Variants in DNAH2 observed in about 807,000 individuals in gnomAD.
DNAH2 encodes dynein axonemal heavy chain 2.
In DNAH2, 323 loss-of-function variants were observed where a neutral mutation model predicts 523.5. That is an observed-to-expected ratio of 0.62 (90% CI 0.56 to 0.68). The LOEUF (loss-of-function observed/expected upper bound fraction) is 0.68, where lower values mean the gene tolerates loss of function less well. Ranked by LOEUF, DNAH2 falls within the 30% of genes least tolerant of loss-of-function variation. The pLI, the probability that DNAH2 is intolerant of heterozygous loss-of-function variation, is 0.00. For synonymous variants in DNAH2, 2,093 were observed against 2,177.4 expected (o/e 0.96, Z 1.08); for missense variants, 4,907 against 5,701.5 (o/e 0.86, Z 4.49).
chr17:7,751,256 C>T (rs1372109937), intron 12 of DNAH2, among the ~76,000 whole-genome samples: 3 of 151,766 alleles, frequency 2.0e-5, no homozygotes, highest in Admixed American at 2.0e-4. Context: ...CGATTTCTGG[C>T]TAATTTTTGG....
Position 7,736,513 on chromosome 17 carries a change from C to A in DNAH2, c.979-554C>A, listed in dbSNP as rs531126861. On this transcript the variant is annotated intron_variant, in intron 7 of 85. Coordinates refer to ENST00000572933, the MANE Select transcript of DNAH2 (RefSeq NM_020877.5). ...CACAAAATCTAGAAAAATCTAGACTCGAGGGAATTCTTAGTCTGGTAGGGG... is the reference window on the plus strand; with the variant it reads ...CACAAAATCTAGAAAAATCTAGACTAGAGGGAATTCTTAGTCTGGTAGGGG... 2.0e-5 allele frequency among the ~76,000 whole-genome samples: 3 copies of A among 152,254 alleles called. No homozygotes were observed. In the South Asian group the frequency reaches 6.2e-4, roughly 32 times the overall value.
chr17:7,749,209 G>A (rs991514052), intron 12 of DNAH2, among the ~76,000 whole-genome samples: 5 of 148,522 alleles, frequency 3.4e-5, no homozygotes, highest in South Asian at 4.3e-4. Context: ...TCAGGAGGCC[G>A]AGGCAAGAGA....
At position 7,764,376 on chromosome 17, in the gene DNAH2, A is replaced by C. The variant is rs1240458764; in HGVS notation, c.3336+103A>C. On this transcript the variant is annotated intron_variant, in intron 20 of 85. Coordinates refer to ENST00000572933, the MANE Select transcript of DNAH2 (RefSeq NM_020877.5). Reference sequence around the variant, plus strand: ...GGGAGAGTAGAGAAGTGACAGCAGGAGGAGACTCTAGATTTGAAAGCCAAA... The same window carrying C: ...GGGAGAGTAGAGAAGTGACAGCAGGCGGAGACTCTAGATTTGAAAGCCAAA... 14 of 1,407,876 alleles carry C rather than the reference A, an allele frequency of 9.9e-6. No homozygotes were observed. The Admixed American group carries it at 3.0e-4, about 30-fold the overall frequency. 87.2% of individuals were successfully genotyped at this position (1,407,876 alleles called of 1,614,324 possible).
chr17:7,737,781 G>A (rs2075184038), intron 8 of DNAH2, among the ~76,000 whole-genome samples: 1 of 152,174 alleles, frequency 6.6e-6, no homozygotes. Flanking sequence ...CCTAGGACAA[G>A]GAGTGGGCAT....
chr17:7,829,264 G>A (rs573200613), intron 77 of DNAH2, among the ~76,000 whole-genome samples: 47 of 152,102 alleles, frequency 3.1e-4, no homozygotes, highest in Non-Finnish European at 4.3e-4. Context: ...TGCCCACCTC[G>A]GCCTCCCAAA....
At position 7,780,544 on chromosome 17, in the gene DNAH2, T is replaced by G. The variant is rs1396900326; in HGVS notation, c.5851-86T>G. Reference sequence around the variant, plus strand: ...CCTAGCTGCTTCATGTCCTGGGACCTGGCTTCTTGTCTCTGACTGTCCTGA... The same window carrying G: ...CCTAGCTGCTTCATGTCCTGGGACCGGGCTTCTTGTCTCTGACTGTCCTGA... On this transcript the variant is annotated intron_variant, in intron 37 of 85. Coordinates refer to ENST00000572933, the MANE Select transcript of DNAH2 (RefSeq NM_020877.5). This position sits in a 1 kb window ranked among gnomAD's most constrained non-coding sequence, Gnocchi z 4.4. 3 of 1,569,528 alleles carry G rather than the reference T, an allele frequency of 1.9e-6. No homozygotes were observed. Among genetic ancestry groups the G allele is most frequent in the African/African-American group, 1.3e-5 (1 of 74,080 alleles).
At chr17:7,757,628 A>G (rs2075881914) in intron 13 of DNAH2, among the ~76,000 whole-genome samples, 1 of 152,164 alleles carries the variant, frequency 6.6e-6, no homozygotes, top group Non-Finnish European at 1.5e-5. Context: ...CTGCCTTGGT[A>G]TTCTCTCTGG....
At position 7,734,580 on chromosome 17, in the gene DNAH2, C is replaced by T. The variant is rs1247906703; in HGVS notation, c.850C>T (p.Arg284Ter). ...GGAGGAGATTGAGTTCTGGCGCAAC[C>T]GATGCATGGACCTGTCTGGCATCAG... Reference protein sequence around the residue: ...PLEEIEFWRNRCMDLSGISKQ... With the variant: ...PLEEIEFWRN Residue 284 changes from arginine (R) to a stop codon, truncating the protein, a stop_gained, in exon 7 of 86, where the codon CGA becomes TGA. Coordinates refer to ENST00000572933, the MANE Select transcript of DNAH2 (RefSeq NM_020877.5). LOFTEE classifies it high-confidence loss of function. 8.1e-6 allele frequency: 13 copies of T among 1,613,366 alleles called. No homozygotes were observed. The highest frequency in any genetic ancestry group is 4.2e-6 in the Non-Finnish European group (5 of 1,179,962).
chr17:7,810,121 T>C (rs1477282258), intron 63 of DNAH2, among the ~76,000 whole-genome samples: 1 of 150,878 alleles, frequency 6.6e-6, no homozygotes, highest in African/African-American at 2.4e-5. Flanking sequence ...TGGAATGCAG[T>C]GGCGCAATCA....
intron 42 of DNAH2, chr17:7,787,246 T>A (rs940757963): frequency 2.2e-4 from 141 of 651,546 alleles, no homozygotes; most frequent in Non-Finnish European, 2.6e-5. Context: ...AAACACCCTC[T>A]GTTGTAAGCA....
intron 6 of DNAH2, 28 bp from the exon 7 acceptor site, chr17:7,734,442 G>T (rs192629623): frequency 1.2e-6 from 2 of 1,609,760 alleles, no homozygotes; most frequent in Admixed American, 3.3e-5. Context: ...GTGAAGAAAC[G>T]AAGGAGATTT....
intron 12 of DNAH2, among the ~76,000 whole-genome samples, chr17:7,750,770 A>G (rs1032556957): frequency 2.0e-5 from 3 of 152,068 alleles, no homozygotes; most frequent in Non-Finnish European, 4.4e-5. Flanking sequence ...TCAGGGTTTG[A>G]AAAAACAGCA....
At chr17:7,784,766 GGTGAAGA>G (rs1453011774) in intron 39 of DNAH2, among the ~76,000 whole-genome samples, 2 of 152,144 alleles carry the variant, frequency 1.3e-5, no homozygotes, top group Non-Finnish European at 2.9e-5. Context: ...CAATCGTAAA[GGTGAAGA>G]GTGACATTTC....
Position 7,786,237 on chromosome 17 carries a change from G to A in DNAH2, c.6243G>A (p.Met2081Ile). The change falls in exon 40 of 86, where the codon ATG (methionine) becomes ATA (isoleucine). Residue 2081 changes from methionine (M) to isoleucine (I), a missense_variant. This residue lies in a region of DNAH2 where 2,806 missense variants were observed against 3,190.8 expected (regional missense o/e 0.88). Coordinates refer to ENST00000572933, the MANE Select transcript of DNAH2 (RefSeq NM_020877.5). The surrounding 1 kb of genome is among the most constrained non-coding windows in gnomAD (Gnocchi z 7.5). ...YETKNSRHSTMIVGCTGSGKT... is the reference protein window; with the variant it reads ...YETKNSRHSTIIVGCTGSGKT... ...CCAAGAACTCCCGCCACTCCACCAT[G>A]ATCGTGGGCTGCACGGGCAGCGGCA... The A allele has an allele frequency of 1.2e-6, 2 of 1,614,108 alleles. No individual in the cohort carries two copies. Among genetic ancestry groups the A allele is most frequent in the South Asian group, 2.2e-5 (2 of 91,082 alleles).
rs866308814 is a variant in DNAH2 at position 7,743,110 on chromosome 17, G to A, written c.1872G>A (p.Glu624=). The change falls in exon 12 of 86, where the codon GAG becomes GAA. Residue 624 remains glutamate, a synonymous_variant. Transcript: ENST00000572933. ...CCCCATTGCTGCGAATCAGCCAGGA[G>A]AAGGCGGGCATGCTGGATGTCAACT... The part of the protein sequence containing the change: ...LDTPLLRISQ[E]KAGMLDVNFD... 2.5e-6 allele frequency: 4 copies of A among 1,575,190 alleles called. No individual in the cohort carries two copies. Among genetic ancestry groups the A allele is most frequent in the Non-Finnish European group, 3.4e-6 (4 of 1,165,110 alleles).
rs748115597 is a variant in DNAH2, at chr17:7,775,291, C to T, written c.4770C>T (p.Asp1590=). The T allele has an allele frequency of 1.2e-5, 20 of 1,613,416 alleles. No homozygotes were observed. The highest frequency in any genetic ancestry group is 8.0e-5 in the African/African-American group (6 of 74,906). Residue 1590 remains aspartate, a synonymous_variant, in exon 30 of 86, where the codon GAC becomes GAT. Transcript: ENST00000572933. ...AAGCTGTGGGGATGTTCTCGGGCGA[C>T]GGCGAGTACATTGACTTCCTCCACT... is the stretch of plus-strand genomic sequence containing the variant. ...KWEAVGMFSG[D]GEYIDFLHSV...
Position 7,766,307 on chromosome 17 carries a change from A to G in DNAH2, c.3512-11A>G, listed in dbSNP as rs780257251. On this transcript the variant is annotated splice_polypyrimidine_tract_variant and intron_variant, in intron 21 of 85. Coordinates refer to ENST00000572933, the MANE Select transcript of DNAH2 (RefSeq NM_020877.5). Reference sequence around the variant, plus strand: ...AGCGGGAAGCTGAGCTTCATCCTGAATCCTCCACAGGCCATTTCACCAGCA... The same window carrying G: ...AGCGGGAAGCTGAGCTTCATCCTGAGTCCTCCACAGGCCATTTCACCAGCA... 5.6e-6 allele frequency: 9 copies of G among 1,610,282 alleles called. No individual in the cohort carries two copies. Among genetic ancestry groups the G allele is most frequent in the Non-Finnish European group, 2.5e-6 (3 of 1,177,188 alleles).
At chr17:7,736,443 G>A (rs907007384) in intron 7 of DNAH2, among the ~76,000 whole-genome samples, 2 of 152,220 alleles carry the variant, frequency 1.3e-5, no homozygotes, top group Admixed American at 6.5e-5. Flanking sequence ...CAGCAACAGA[G>A]TATCCACTTA....
Position 7,798,016 on chromosome 17 carries a change from T to C in DNAH2, c.8231-141T>C. On this transcript the variant is annotated intron_variant, in intron 53 of 85. Transcript: ENST00000572933. This position sits in a 1 kb window ranked among gnomAD's most constrained non-coding sequence, Gnocchi z 5.5. ...GGAGGTTAAAAGTTGAATTGCCTCC[T>C]GGGCCTTGGGCACCAACTTCTTCTC... is the stretch of plus-strand genomic sequence containing the variant. 7.3e-7 allele frequency: 1 copy of C among 1,367,138 alleles called. No homozygotes were observed. The highest frequency in any genetic ancestry group is 9.9e-7 in the Non-Finnish European group (1 of 1,011,578). 84.7% of individuals were successfully genotyped at this position (1,367,138 alleles called of 1,614,324 possible). A position where few individuals can be genotyped will look rare whatever the true frequency, so the allele number is the denominator to read the frequency against.
Sources: allele counts gnomAD v4.1 joint callset (sites outside exome capture counted in the v4.1 genomes callset), GRCh38; gene constraint gnomAD v4.1.1; regional missense constraint gnomAD v4.1.1; non-coding constraint Gnocchi (gnomAD v3.1); transcripts MANE v1.5; gene names NCBI Gene and HGNC (gene_info 2026-07-23, HGNC 2026-07-21).